ISM1: variants seen among roughly 807,000 people sequenced by gnomAD.
The protein encoded by ISM1 is isthmin 1, also known as isthmin-1.
A neutral mutation model predicts 46.3 loss-of-function variants in ISM1; 25 were observed. That is an observed-to-expected ratio of 0.54 (90% CI 0.39 to 0.75). ISM1 has a LOEUF of 0.75. Among genes scored for constraint, ISM1 ranks in the 30% least tolerant of loss-of-function variants. ISM1 has a pLI of 0.00. For synonymous variants in ISM1, 255 were observed against 256.7 expected (o/e 0.99, Z 0.06); for missense variants, 536 against 625.4 (o/e 0.86, Z 1.52).
intron 5 of ISM1, among the ~76,000 whole-genome samples, chr20:13,294,214 AT>A (rs2123325293): frequency 6.6e-6 from 1 of 152,284 alleles, no homozygotes; most frequent in Admixed American, 6.5e-5. Flanking sequence ...ATAGAAATTT[AT>A]TTTAAAAACA....
intron 2 of ISM1, 121 bp downstream of exon 2, chr20:13,270,864 C>T: frequency 1.1e-6 from 1 of 894,284 alleles, no homozygotes; most frequent in South Asian, 1.6e-5. Context: ...ATGATTCCTG[C>T]TTAAGATCAT....
chr20:13,270,988 C>T (rs1250842808), intron 2 of ISM1, among the ~76,000 whole-genome samples: 2 of 152,122 alleles, frequency 1.3e-5, no homozygotes, highest in African/African-American at 2.4e-5. Flanking sequence ...TAAAGTATGA[C>T]ACACCAAGGA....
At chr20:13,293,901 G>A (rs2040380229) in intron 5 of ISM1, among the ~76,000 whole-genome samples, 1 of 151,956 alleles carries the variant, frequency 6.6e-6, no homozygotes, top group East Asian at 1.9e-4. Flanking sequence ...TGGAACCCAG[G>A]AGGTGGAGGT....
intron 5 of ISM1, among the ~76,000 whole-genome samples, chr20:13,294,512 G>A (rs1039368725): frequency 1.3e-5 from 2 of 152,210 alleles, no homozygotes; most frequent in African/African-American, 4.8e-5. Flanking sequence ...CTGCTTTGCA[G>A]AACACAGCCC....
intron 1 of ISM1, among the ~76,000 whole-genome samples, chr20:13,251,793 G>T (rs780685834): frequency 6.6e-6 from 1 of 152,078 alleles, no homozygotes; most frequent in Non-Finnish European, 1.5e-5. Context: ...TTTGCTTACC[G>T]TGTGACTTTT....
intron 2 of ISM1, among the ~76,000 whole-genome samples, chr20:13,274,052 C>T (rs191315353): frequency 3.2e-4 from 33 of 103,808 alleles, no homozygotes; most frequent in Admixed American, 1.8e-3. Context: ...CTTCTGTTGG[C>T]GTGTAATTGT....
chr20:13,240,350 C>T (rs1321102442), intron 1 of ISM1, among the ~76,000 whole-genome samples: 1 of 152,108 alleles, frequency 6.6e-6, no homozygotes, highest in Non-Finnish European at 1.5e-5. Flanking sequence ...GGAGTTCCTA[C>T]TAAAAGAGGG....
At chr20:13,292,275 A>G in intron 4 of ISM1, 99 bp from the exon 5 acceptor site, 2 of 737,356 alleles carry the variant, frequency 2.7e-6, no homozygotes, top group Non-Finnish European at 4.6e-6. Context: ...TGAATACAAA[A>G]AAGGCTTTGT....
At chr20:13,269,172 A>G (rs2040082489) in intron 1 of ISM1, among the ~76,000 whole-genome samples, 1 of 152,180 alleles carries the variant, frequency 6.6e-6, no homozygotes, top group South Asian at 2.1e-4. Context: ...AAAAACAAGA[A>G]CATTAACCAC....
At chr20:13,322,346 C>T in the ISM1 span, among the ~76,000 whole-genome samples, 2 of 152,198 alleles carry the variant, frequency 1.3e-5, no homozygotes, top group Admixed American at 1.3e-4. Context: ...AAAAGACACA[C>T]TCCCACCCTC....
intron 1 of ISM1, among the ~76,000 whole-genome samples, chr20:13,240,158 A>G (rs1341163306): frequency 4.6e-5 from 7 of 152,238 alleles, no homozygotes; most frequent in Non-Finnish European, 1.5e-5. Flanking sequence ...TTCATTCAGC[A>G]CTTTCATATC....
intron 1 of ISM1, among the ~76,000 whole-genome samples, chr20:13,227,526 T>C (rs1195114526): frequency 7.4e-6 from 1 of 136,036 alleles, no homozygotes; most frequent in Admixed American, 7.5e-5. Flanking sequence ...TTTTTTTTTT[T>C]GAGACGGAGT....
intron 2 of ISM1, among the ~76,000 whole-genome samples, chr20:13,278,451 C>T (rs1347337716): frequency 3.9e-5 from 6 of 152,166 alleles, no homozygotes; most frequent in African/African-American, 1.2e-4. Flanking sequence ...AACCAGCCCC[C>T]ACCTGCACCT....
At chr20:13,293,072 C>A (rs966450712) in intron 5 of ISM1, among the ~76,000 whole-genome samples, 2 of 151,798 alleles carry the variant, frequency 1.3e-5, no homozygotes, top group African/African-American at 4.8e-5. Flanking sequence ...TGGTGGCAGG[C>A]GCCTGTAGTC....
intron 5 of ISM1, among the ~76,000 whole-genome samples, chr20:13,297,216 A>T (rs1568691844): frequency 6.6e-6 from 1 of 152,106 alleles, no homozygotes; most frequent in Admixed American, 6.5e-5. Flanking sequence ...CAGAATGCAG[A>T]AGGGCTGGGG....
At chr20:13,242,372 G>C (rs951700813) in intron 1 of ISM1, among the ~76,000 whole-genome samples, 9 of 152,112 alleles carry the variant, frequency 5.9e-5, no homozygotes, top group African/African-American at 2.2e-4. Flanking sequence ...TTCAGTTTTT[G>C]TTTTTATTTT....
the ISM1 span, among the ~76,000 whole-genome samples, chr20:13,311,247 A>AGATAGATAGATAGATGATAGATAGAT: frequency 1.7e-4 from 20 of 116,294 alleles, no homozygotes; most frequent in African/African-American, 7.3e-4. Flanking sequence ...GATAGATGAT[A>AGATAGATAGATAGATGATAGATAGAT]GATAGATAGA....
intron 4 of ISM1, among the ~76,000 whole-genome samples, chr20:13,290,446 G>A (rs1000399486): frequency 6.6e-6 from 1 of 152,140 alleles, no homozygotes; most frequent in Admixed American, 6.5e-5. Context: ...TCAGGAGATC[G>A]AGACCATCCT....
intron 2 of ISM1, 89 bp from the exon 3 acceptor site, chr20:13,279,545 C>T: frequency 7.7e-7 from 1 of 1,305,848 alleles, no homozygotes; most frequent in Non-Finnish European, 1.1e-6. Context: ...CCATCATTTC[C>T]CTCTGCCCTC....
Sources: gnomAD v4.1 joint callset for allele counts (sites outside exome capture counted in the v4.1 genomes callset) on GRCh38, gnomAD v4.1.1 for gene constraint, MANE v1.5 for transcripts, NCBI Gene and HGNC (gene_info 2026-07-23, HGNC 2026-07-21) for gene names.